Variants in TMEM214 observed in about 807,000 individuals in gnomAD.
TMEM214 encodes the protein transmembrane protein 214.
TMEM214 carries 71 observed loss-of-function variants against 89.8 expected under a neutral mutation model. The observed-to-expected ratio is 0.79, with a 90% CI of 0.65 to 0.96. The LOEUF is 0.96. Among genes scored for constraint, TMEM214 ranks in the 40% least tolerant of loss-of-function variants. The probability of loss-of-function intolerance (pLI) is 0.00; values close to 1 mark genes in which losing one functional copy is unlikely to be tolerated. For synonymous variants in TMEM214, 332 were observed against 349.5 expected, an observed-to-expected ratio of 0.95 and a Z score of 0.56; for missense variants, 754 against 843.4, an observed-to-expected ratio of 0.89 and a Z score of 1.31.
Position 27,038,874 on chromosome 2 carries a change from C to G in TMEM214, c.1407+59C>G. 4 of 1,525,702 alleles carry G rather than the reference C, an allele frequency of 2.6e-6. No individual in the cohort carries two copies. The highest frequency in any genetic ancestry group is 3.6e-6 in the Non-Finnish European group (4 of 1,104,390). 94.5% of individuals were successfully genotyped at this position (1,525,702 alleles called of 1,614,324 possible). On this transcript the variant is annotated intron_variant, in intron 12 of 16. Transcript: ENST00000238788. This position sits in a 1 kb window ranked among gnomAD's most constrained non-coding sequence, Gnocchi z 4.4. Reference sequence around the variant, plus strand: ...TATCTTACATCTCTGTCTCAGCACACCTGGGTTGGGCCTGTATCACATTCC... The same window carrying G: ...TATCTTACATCTCTGTCTCAGCACAGCTGGGTTGGGCCTGTATCACATTCC...
rs1423091259 is a variant in TMEM214 at position 27,032,981 on chromosome 2, C to T, written c.-35C>T. ...GGCGCGCTCGCGCCGGACCGGAAAG[C>T]CGGGGAAGTGGCCGAGGAGGGAGGG... On this transcript the variant is annotated 5_prime_UTR_variant, in exon 1 of 17. Coordinates refer to ENST00000238788, the MANE Select transcript of TMEM214 (RefSeq NM_017727.5). 4 of 1,244,344 alleles carry T rather than the reference C, an allele frequency of 3.2e-6. No individual in the cohort carries two copies. The highest frequency in any genetic ancestry group is 3.1e-5 in the African/African-American group (2 of 64,342). 77.1% of individuals were successfully genotyped at this position (1,244,344 alleles called of 1,614,324 possible).
At position 27,036,444 on chromosome 2, in the gene TMEM214, G is replaced by A. The variant is rs980169640; in HGVS notation, c.721-43G>A. On this transcript the variant is annotated intron_variant, in intron 5 of 16. Transcript: ENST00000238788. ...CCTGGCTTTGGGGGGTGCTCCTGGT[G>A]TTTTGTCCTATCCCAATCTGCCTTC... The A allele has an allele frequency of 2.0e-6, 3 of 1,534,224 alleles. No homozygotes were observed. The Admixed American group carries it at 5.0e-5, about 26-fold the overall frequency.
Position 27,036,728 on chromosome 2 carries a change from G to A in TMEM214, c.850G>A (p.Val284Met), listed in dbSNP as rs756225097. ...AGTGTGGCTGGGGATCATGCTGCCT[G>A]TGCTGGGCATCAAGTCTCTGTCTCC... Reference protein sequence around the residue: ...LKVWLGIMLPVLGIKSLSPFA... With the variant: ...LKVWLGIMLPMLGIKSLSPFA... The change falls in exon 7 of 17, where the codon GTG (valine) becomes ATG (methionine). Residue 284 changes from valine (V) to methionine (M), a missense_variant. Physicochemically the swap from Val to Met is conservative, Grantham distance 21. Transcript: ENST00000238788. 12 of 1,614,062 alleles carry A rather than the reference G, an allele frequency of 7.4e-6. No homozygotes were observed. Among genetic ancestry groups the A allele is most frequent in the Middle Eastern group, 1.6e-4 (1 of 6,084 alleles).
Position 27,036,552 on chromosome 2 carries a change from G to C in TMEM214, c.786G>C (p.Leu262=). Residue 262 remains leucine, a synonymous_variant, in exon 6 of 17, where the codon CTG becomes CTC. Coordinates refer to ENST00000238788, the MANE Select transcript of TMEM214 (RefSeq NM_017727.5). ...AGTGTCTCACCATCATGTGGGCCCT[G>C]GGTCAAGCAGGTTTTGCCAACCTCA... The part of the protein sequence containing the change: ...PAKCLTIMWA[L]GQAGFANLTE... The C allele has an allele frequency of 6.2e-7, 1 of 1,614,174 alleles. No individual in the cohort carries two copies. Among genetic ancestry groups the C allele is most frequent in the Non-Finnish European group, 8.5e-7 (1 of 1,180,024 alleles).
intron 4 of TMEM214, 65 bp downstream of exon 4, chr2:27,035,793 C>G: frequency 1.2e-6 from 2 of 1,609,002 alleles, no homozygotes; most frequent in Non-Finnish European, 1.7e-6. Context: ...GCTTCCAGTA[C>G]CACTCAGTGG....
At chr2:27,035,757 C>T (rs753165793) in intron 4 of TMEM214, 29 bp downstream of exon 4, 3 of 1,613,592 alleles carry the variant, frequency 1.9e-6, no homozygotes, top group Non-Finnish European at 2.5e-6. Flanking sequence ...GGATGACCAT[C>T]TTGGGAGCCT....
intron 2 of TMEM214, 177 bp downstream of exon 2, chr2:27,034,443 A>T: frequency 1.4e-6 from 1 of 696,700 alleles, no homozygotes. Context: ...TGCACTTAGA[A>T]TAGAAAGGAA....
At position 27,036,069 on chromosome 2, in the gene TMEM214, G is replaced by A. The variant is rs1667547089; in HGVS notation, c.720+17G>A. ...CTAGGCAAGGTGAGCTCTCAGTGATGGTGGGGATGCTAGGAAGCTAGGACT... is the reference window on the plus strand; with the variant it reads ...CTAGGCAAGGTGAGCTCTCAGTGATAGTGGGGATGCTAGGAAGCTAGGACT... On this transcript the variant is annotated intron_variant, in intron 5 of 16. Transcript: ENST00000238788. 1 of 1,612,942 alleles carries A rather than the reference G, an allele frequency of 6.2e-7. No homozygotes were observed. Among genetic ancestry groups the A allele is most frequent in the Admixed American group, 1.7e-5 (1 of 59,944 alleles).
Position 27,038,074 on chromosome 2 carries a change from T to C in TMEM214, c.1153-72T>C, listed in dbSNP as rs12620964. On this transcript the variant is annotated intron_variant, in intron 9 of 16. Coordinates refer to ENST00000238788, the MANE Select transcript of TMEM214 (RefSeq NM_017727.5). This position sits in a 1 kb window ranked among gnomAD's most constrained non-coding sequence, Gnocchi z 4.4. ...GATGGCCTTGCTTACGGGAAGGGGA[T>C]CACCTCTTAGCACTCCCCGCCTCTG... 7 of 1,612,654 alleles carry C rather than the reference T, an allele frequency of 4.3e-6. No individual in the cohort carries two copies. Among genetic ancestry groups the C allele is most frequent in the East Asian group, 2.2e-5 (1 of 44,872 alleles).
At chr2:27,037,789 G>A (rs1667632596) in intron 9 of TMEM214, 87 bp downstream of exon 9, 1 of 1,612,656 alleles carries the variant, frequency 6.2e-7, no homozygotes. Flanking sequence ...TGCCTTCACA[G>A]AGCCCATTCT....
rs778573302 is a variant in TMEM214 at position 27,034,050 on chromosome 2, A to C, written c.152-17A>C. 3 of 1,613,846 alleles carry C rather than the reference A, an allele frequency of 1.9e-6. No individual in the cohort carries two copies. In the South Asian group the frequency reaches 3.3e-5, roughly 18 times the overall value. The stretch of plus-strand genomic sequence containing the variant: ...ACTCAAGGGTGGCCTGCCTTTCTCT[A>C]CCTATCTTCACCCCAGCTGCAATCC... On this transcript the variant is annotated splice_polypyrimidine_tract_variant and intron_variant, in intron 1 of 16. Transcript: ENST00000238788.
At position 27,038,819 on chromosome 2, in the gene TMEM214, C is replaced by T. The variant is rs1203145453; in HGVS notation, c.1407+4C>T. On this transcript the variant is annotated splice_donor_region_variant and intron_variant, in intron 12 of 16. Transcript: ENST00000238788. The surrounding 1 kb of genome is among the most constrained non-coding windows in gnomAD (Gnocchi z 4.4). ...CACCTGTGACATGGCCTGCAAGGTG[C>T]TGGCACCCGGTCCTCTCCAGCCCAC... 1.2e-6 allele frequency: 2 copies of T among 1,611,994 alleles called. No homozygotes were observed. Among genetic ancestry groups the T allele is most frequent in the East Asian group, 2.2e-5 (1 of 44,872 alleles).
chr2:27,033,550 C>T (rs918083828), intron 1 of TMEM214, among the ~76,000 whole-genome samples: 7 of 152,116 alleles, frequency 4.6e-5, no homozygotes, highest in African/African-American at 1.7e-4. Context: ...CTTTAAGTAA[C>T]CAGCAGGTCA....
rs755320573 is a variant in TMEM214 at position 27,037,097 on chromosome 2, A to G, written c.929A>G (p.Lys310Arg). The change falls in exon 8 of 17, where the codon AAG becomes AGG. Residue 310 changes from lysine to arginine, a missense_variant. By Grantham distance (26) the Lys-to-Arg change is conservative. Coordinates refer to ENST00000238788, the MANE Select transcript of TMEM214 (RefSeq NM_017727.5). ...RLLLMHPNLT[K>R]GFGMIGPKDF... ...CACAGGATGCATCCCAACCTTACCA[A>G]GGGCTTCGGCATGATTGGCCCCAAG... The G allele has an allele frequency of 6.2e-7, 1 of 1,614,020 alleles. No homozygotes were observed. Among genetic ancestry groups the G allele is most frequent in the East Asian group, 2.2e-5 (1 of 44,878 alleles).
intron 4 of TMEM214, 97 bp from the exon 5 acceptor site, chr2:27,035,873 G>C (rs1667538883): frequency 3.8e-6 from 6 of 1,576,410 alleles, no homozygotes; most frequent in Non-Finnish European, 5.2e-6. Context: ...TTAGGAGTCA[G>C]TGGACCTGGG....
rs763416499 is a variant in TMEM214 at position 27,036,492 on chromosome 2, G to A, written c.726G>A (p.Leu242=). 4.3e-6 allele frequency: 7 copies of A among 1,613,860 alleles called. No individual in the cohort carries two copies. In the Admixed American group the frequency reaches 1.2e-4, roughly 27 times the overall value. ...KIATANLGKF[L]ELLRSHQSRP... Reference sequence around the variant, plus strand: ...TTCCCCACCGGTCTCCTCAGTTCCTGGAACTGCTGAGGTCCCACCAGAGCC... The same window carrying A: ...TTCCCCACCGGTCTCCTCAGTTCCTAGAACTGCTGAGGTCCCACCAGAGCC... The change falls in exon 6 of 17, where the codon CTG becomes CTA. Residue 242 remains leucine, a synonymous_variant. Transcript: ENST00000238788.
In TMEM214 at chr2:27,041,136, A is replaced by G. The variant is rs1047140452; in HGVS notation, c.*299A>G. On this transcript the variant is annotated 3_prime_UTR_variant, in exon 17 of 17. Transcript: ENST00000238788. ...ACTCCGCCCTTGCCCTCTGCCTTCCACTTCCTTCCATCTCATTTCTAAACC... is the reference window on the plus strand; with the variant it reads ...ACTCCGCCCTTGCCCTCTGCCTTCCGCTTCCTTCCATCTCATTTCTAAACC... 1.8e-5 allele frequency: 6 copies of G among 324,908 alleles called. No homozygotes were observed. The East Asian group carries it at 3.3e-4, about 18-fold the overall frequency. 20.1% of individuals were successfully genotyped at this position (324,908 alleles called of 1,614,324 possible).
intron 7 of TMEM214, 114 bp downstream of exon 7, chr2:27,036,900 C>A: frequency 8.4e-7 from 1 of 1,191,996 alleles, no homozygotes; most frequent in South Asian, 1.2e-5. Flanking sequence ...TCAGGACCAG[C>A]TTCTCCCACC....
rs1042372144 is a variant in TMEM214, at chr2:27,033,069, G to A, written c.54G>A (p.Arg18=). 2 of 1,247,648 alleles carry A rather than the reference G, an allele frequency of 1.6e-6. No individual in the cohort carries two copies. Among genetic ancestry groups the A allele is most frequent in the South Asian group, 4.1e-5 (1 of 24,412 alleles). 77.3% of individuals were successfully genotyped at this position (1,247,648 alleles called of 1,614,324 possible). The change falls in exon 1 of 17, where the codon CGG becomes CGA. Residue 18 remains arginine (R), a synonymous_variant. Coordinates refer to ENST00000238788, the MANE Select transcript of TMEM214 (RefSeq NM_017727.5). The part of the protein sequence containing the change: ...VGRWEVVKKG[R]RPGVGAGAGG... ...GGTGGGAGGTAGTGAAGAAGGGTCG[G>A]CGGCCTGGGGTCGGCGCCGGCGCCG... is the stretch of plus-strand genomic sequence containing the variant.
Sources: allele counts gnomAD v4.1 joint callset (sites outside exome capture counted in the v4.1 genomes callset), GRCh38; gene constraint gnomAD v4.1.1; non-coding constraint Gnocchi (gnomAD v3.1); transcripts MANE v1.5; gene names NCBI Gene and HGNC (gene_info 2026-07-23, HGNC 2026-07-21).